Variants in DPP10 observed in about 807,000 individuals in gnomAD.
DPP10 encodes inactive dipeptidyl peptidase 10.
DPP10 carries 33 observed loss-of-function variants against 120.9 expected under a neutral mutation model. The observed-to-expected ratio is 0.27, with a 90% confidence interval of 0.21 to 0.37. DPP10 has a LOEUF of 0.37. Ranked by LOEUF, DPP10 falls within the 10% of genes least tolerant of loss-of-function variation. The pLI is 1.00. For synonymous variants in DPP10, 337 were observed against 326.1 expected (o/e 1.03, Z -0.36); for missense variants, 816 against 942.8 (o/e 0.87, Z 1.76).
chr2:115,369,031 A>T (rs1309569804), intron 3 of DPP10, among the ~76,000 whole-genome samples: 1 of 152,116 alleles, frequency 6.6e-6, no homozygotes, highest in South Asian at 2.1e-4. Context: ...TAGGCTCTGC[A>T]TATATTAACA....
chr2:115,437,878 A>G (rs1443459403), intron 3 of DPP10, among the ~76,000 whole-genome samples: 1 of 152,146 alleles, frequency 6.6e-6, no homozygotes, highest in African/African-American at 2.4e-5. Context: ...TTCAAACAAT[A>G]TAATTTCTTT....
At chr2:114,793,024 GTGTGTGTTTCTA>G in intron 1 of DPP10, among the ~76,000 whole-genome samples, 1 of 150,620 alleles carries the variant, frequency 6.6e-6, no homozygotes, top group South Asian at 2.1e-4. Context: ...GTGTGTGTGT[GTGTGTGTTTCTA>G]TTAATATCGT....
chr2:115,133,145 GTATATATATATATATATATA>G (rs1246180843), intron 1 of DPP10, among the ~76,000 whole-genome samples: 6 of 28,762 alleles, frequency 2.1e-4, no homozygotes, highest in Non-Finnish European at 4.0e-4. Flanking sequence ...GTGTGTGTGT[GTATATATATATATATATATA>G]TATATATATA....
intron 1 of DPP10, among the ~76,000 whole-genome samples, chr2:114,795,437 G>A (rs1683622628): frequency 6.6e-6 from 1 of 151,998 alleles, no homozygotes; most frequent in African/African-American, 2.4e-5. Context: ...GTTTCAGTGA[G>A]CCGAGATTGT....
At chr2:114,662,933 C>T (rs1697543133) in intron 1 of DPP10, among the ~76,000 whole-genome samples, 1 of 152,112 alleles carries the variant, frequency 6.6e-6, no homozygotes, top group South Asian at 2.1e-4. Context: ...CGCCTTAAGG[C>T]ACTTTTGATT....
chr2:115,662,251 A>G (rs1046489738), intron 5 of DPP10, among the ~76,000 whole-genome samples: 2 of 152,084 alleles, frequency 1.3e-5, no homozygotes, highest in Non-Finnish European at 2.9e-5. Flanking sequence ...CACCTTCTTT[A>G]TCCATCCATC....
intron 1 of DPP10, among the ~76,000 whole-genome samples, chr2:114,673,176 C>T (rs2105651204): frequency 6.6e-6 from 1 of 152,302 alleles, no homozygotes; most frequent in Admixed American, 6.5e-5. Flanking sequence ...TCTGTCAACA[C>T]ATCCTCACCA....
chr2:114,825,998 A>G (rs977565617), intron 1 of DPP10, among the ~76,000 whole-genome samples: 1 of 152,214 alleles, frequency 6.6e-6, no homozygotes, highest in African/African-American at 2.4e-5. Flanking sequence ...TGGGGTATAA[A>G]CCACATTCCA....
intron 1 of DPP10, among the ~76,000 whole-genome samples, chr2:115,254,455 T>C (rs1012377959): frequency 6.6e-6 from 1 of 152,176 alleles, no homozygotes; most frequent in African/African-American, 2.4e-5. Flanking sequence ...CCAAACCATA[T>C]TATTCCACCC....
At chr2:114,659,230 C>T (rs1697205651) in intron 1 of DPP10, among the ~76,000 whole-genome samples, 1 of 152,130 alleles carries the variant, frequency 6.6e-6, no homozygotes, top group Admixed American at 6.6e-5. Flanking sequence ...CAGACTGTGG[C>T]TAACAATAAA....
intron 1 of DPP10, among the ~76,000 whole-genome samples, chr2:114,837,917 G>T (rs1035081624): frequency 6.6e-6 from 1 of 152,202 alleles, no homozygotes; most frequent in African/African-American, 2.4e-5. Flanking sequence ...TTATGTTTCA[G>T]TCAGAGTAGA....
chr2:114,620,293 A>T (rs1489542831), intron 1 of DPP10, among the ~76,000 whole-genome samples: 3 of 152,118 alleles, frequency 2.0e-5, no homozygotes, highest in African/African-American at 7.2e-5. Context: ...ATTTTCAGGA[A>T]AAAGCAGTGA....
chr2:114,469,265 G>T (rs1411064451), intron 1 of DPP10, among the ~76,000 whole-genome samples: 1 of 152,196 alleles, frequency 6.6e-6, no homozygotes, highest in East Asian at 1.9e-4. Flanking sequence ...GAGATCAAGA[G>T]TGCAAAAGTT....
chr2:115,174,011 C>T (rs1007405642), intron 1 of DPP10, among the ~76,000 whole-genome samples: 46 of 151,956 alleles, frequency 3.0e-4, no homozygotes, highest in African/African-American at 9.9e-4. Flanking sequence ...GTGATGATGT[C>T]GATAAAGAAA....
chr2:114,970,882 T>C (rs1163963737), intron 1 of DPP10, among the ~76,000 whole-genome samples: 1 of 152,138 alleles, frequency 6.6e-6, no homozygotes, highest in Non-Finnish European at 1.5e-5. Context: ...ACATGGAATA[T>C]GCATCTAACT....
At chr2:114,923,472 C>CTTT (rs71394115) in intron 1 of DPP10, among the ~76,000 whole-genome samples, 19 of 69,420 alleles carry the variant, frequency 2.7e-4, no homozygotes, top group Non-Finnish European at 3.8e-4. Context: ...GCCTTTTTTC[C>CTTT]TTTTTTTTTT....
chr2:115,836,434 G>T (rs1418214597), intron 22 of DPP10, 73 bp from the exon 23 acceptor site: 73 of 1,545,964 alleles, frequency 4.7e-5, no homozygotes, highest in Non-Finnish European at 6.1e-5. Context: ...AATGTAAAAT[G>T]AAGAAATTAA....
intron 3 of DPP10, among the ~76,000 whole-genome samples, chr2:115,416,360 G>T (rs2069431222): frequency 6.6e-6 from 1 of 152,102 alleles, no homozygotes; most frequent in African/African-American, 2.4e-5. Context: ...TTGATCAGTT[G>T]CTAATACAGG....
chr2:115,119,272 G>A (rs1016074565), intron 1 of DPP10, among the ~76,000 whole-genome samples: 1 of 152,250 alleles, frequency 6.6e-6, no homozygotes, highest in South Asian at 2.1e-4. Flanking sequence ...GCATCATTTT[G>A]TCTTTTACTG....
Sources: gnomAD v4.1 joint callset for allele counts (sites outside exome capture counted in the v4.1 genomes callset) on GRCh38, gnomAD v4.1.1 for gene constraint, MANE v1.5 for transcripts, NCBI Gene and HGNC (gene_info 2026-07-23, HGNC 2026-07-21) for gene names.